The following HHAT variants were observed in gnomAD, a reference collection of about 807,000 sequenced individuals.
HHAT encodes protein-cysteine N-palmitoyltransferase HHAT.
A neutral mutation model predicts 70.8 loss-of-function variants in HHAT; 47 were observed. The ratio of observed to expected loss-of-function variants is 0.66; its 90% CI spans 0.53 to 0.85. The LOEUF is 0.85. HHAT is among the 40% of genes least tolerant of loss of function. HHAT has a pLI of 0.00. For synonymous variants in HHAT, 228 were observed against 247.6 expected, an observed-to-expected ratio of 0.92 and a Z score of 0.74; for missense variants, 609 against 604.8, an observed-to-expected ratio of 1.01 and a Z score of -0.07.
intron 11 of HHAT, among the ~76,000 whole-genome samples, chr1:210,640,066 C>T (rs1672687352): frequency 6.6e-6 from 1 of 152,138 alleles, no homozygotes. Context: ...TTCTAATTTC[C>T]CTGCCTGGCT....
intron 9 of HHAT, among the ~76,000 whole-genome samples, chr1:210,562,701 A>G (rs1025424579): frequency 6.6e-6 from 1 of 151,258 alleles, no homozygotes; most frequent in African/African-American, 2.4e-5. Flanking sequence ...CATGTGCACA[A>G]TGTGCAGGTT....
chr1:210,430,183 G>C (rs906181031), intron 7 of HHAT, among the ~76,000 whole-genome samples: 79 of 151,884 alleles, frequency 5.2e-4, no homozygotes, highest in African/African-American at 1.8e-3. Flanking sequence ...GCTAGCTTCT[G>C]TGTTCTCTTG....
chr1:210,411,455 C>G (rs560190921), intron 6 of HHAT, among the ~76,000 whole-genome samples: 91 of 152,298 alleles, frequency 6.0e-4, no homozygotes, highest in African/African-American at 2.1e-3. Context: ...ACTTGCTTCT[C>G]TCCAAGAGTT....
intron 10 of HHAT, among the ~76,000 whole-genome samples, chr1:210,593,555 T>A (rs1235997070): frequency 2.6e-5 from 4 of 152,212 alleles, no homozygotes; most frequent in African/African-American, 7.2e-5. Context: ...ATTTCATTTT[T>A]AAAAATGTTT....
chr1:210,422,305 G>T (rs1313727290), intron 7 of HHAT, among the ~76,000 whole-genome samples: 1 of 152,112 alleles, frequency 6.6e-6, no homozygotes, highest in African/African-American at 2.4e-5. Flanking sequence ...CTAGCTATTT[G>T]AAACTATGTA....
chr1:210,548,754 T>C (rs17016407), intron 9 of HHAT, among the ~76,000 whole-genome samples: 4,474 of 152,298 alleles, frequency 0.029, 242 homozygotes, highest in African/African-American at 0.1. Flanking sequence ...CAGAAGCATA[T>C]GGAATTCCTG....
intron 9 of HHAT, among the ~76,000 whole-genome samples, chr1:210,541,635 G>T (rs2095431858): frequency 6.6e-6 from 1 of 152,222 alleles, no homozygotes; most frequent in Admixed American, 6.5e-5. Context: ...GGTAAGGCAG[G>T]AGAATCACTT....
intron 3 of HHAT, among the ~76,000 whole-genome samples, chr1:210,376,942 C>T (rs2090272152): frequency 6.6e-6 from 1 of 152,202 alleles, no homozygotes; most frequent in Non-Finnish European, 1.5e-5. Flanking sequence ...GCCTTCTGCC[C>T]TGGGGGCCTC....
In HHAT at chr1:210,494,647, G is replaced by A. The variant is rs532429004; in HGVS notation, c.1008-18506G>A. On this transcript the variant is annotated intron_variant, in intron 8 of 11. Coordinates refer to ENST00000261458, the MANE Select transcript of HHAT (RefSeq NM_018194.6). ...GCTCACTGCAACCTCTGCCTCCCAGGTTCAAGTGATTCTCCTGCCTCAGCC... is the reference window on the plus strand; with the variant it reads ...GCTCACTGCAACCTCTGCCTCCCAGATTCAAGTGATTCTCCTGCCTCAGCC... Among the ~76,000 whole-genome samples the A allele has an allele frequency of 2.7e-3, 381 of 143,336 alleles. 3 individuals are homozygous for A. The highest frequency in any genetic ancestry group is 2.8e-3 in the Non-Finnish European group (187 of 67,130). 94.0% of individuals were successfully genotyped at this position (143,336 alleles called of 152,430 possible). A position where few individuals can be genotyped will look rare whatever the true frequency, so the allele number is the denominator to read the frequency against.
At chr1:210,641,276 A>C (rs1672921014) in intron 11 of HHAT, among the ~76,000 whole-genome samples, 1 of 152,208 alleles carries the variant, frequency 6.6e-6, no homozygotes, top group Admixed American at 6.5e-5. Context: ...AGTAAAATGC[A>C]CAAGTGTTAA....
intron 8 of HHAT, among the ~76,000 whole-genome samples, chr1:210,479,523 G>A (rs985418266): frequency 1.3e-5 from 2 of 152,152 alleles, no homozygotes; most frequent in Admixed American, 1.3e-4. Context: ...TTATTGATGA[G>A]AAAAATAAAA....
intron 7 of HHAT, among the ~76,000 whole-genome samples, chr1:210,450,525 C>G (rs891827415): frequency 6.6e-6 from 1 of 150,840 alleles, no homozygotes; most frequent in Non-Finnish European, 1.5e-5. Context: ...GAGATGGAGT[C>G]TTGCTCTGTT....
intron 11 of HHAT, among the ~76,000 whole-genome samples, chr1:210,652,845 TC>T (rs1264648517): frequency 6.6e-6 from 1 of 152,172 alleles, no homozygotes; most frequent in African/African-American, 2.4e-5. Flanking sequence ...TTGGCATAGA[TC>T]AAAAATTTTA....
Position 210,374,280 on chromosome 1 carries a change from T to A in HHAT, c.159+11361T>A, listed in dbSNP as rs547548954. The A allele has an allele frequency of 2.0e-5, 3 of 152,128 alleles. No homozygotes were observed. In the East Asian group the frequency reaches 5.8e-4, roughly 29 times the overall value. The allele number at this position is 152,128 out of a possible 1,614,324, so 9.4% of individuals were successfully genotyped here. On this transcript the variant is annotated intron_variant, in intron 3 of 11. Coordinates refer to ENST00000261458, the MANE Select transcript of HHAT (RefSeq NM_018194.6). ...GAGAAACCAGTGTAATGCTACAAAT[T>A]AGTTCAACTCATTGTTGCAGTAACC...
intron 10 of HHAT, among the ~76,000 whole-genome samples, chr1:210,623,058 A>G (rs1407671892): frequency 2.6e-5 from 4 of 152,192 alleles, no homozygotes; most frequent in Non-Finnish European, 5.9e-5. Context: ...TAGAATGAAC[A>G]TGGTGCAAGA....
In HHAT at chr1:210,623,591, G is replaced by T; in HGVS notation, c.1311G>T (p.Ser437=). The T allele has an allele frequency of 6.2e-7, 1 of 1,613,996 alleles. No individual in the cohort carries two copies. Among genetic ancestry groups the T allele is most frequent in the Non-Finnish European group, 8.5e-7 (1 of 1,179,978 alleles). Reference sequence around the variant, plus strand: ...CTGCCCTTGCTTCTTGTTCCACCTCGATGCTGATCCTGTCCAACCTGGTAT... The same window carrying T: ...CTGCCCTTGCTTCTTGTTCCACCTCTATGCTGATCCTGTCCAACCTGGTAT... ...FHAALASCST[S]MLILSNLVFL... The change falls in exon 11 of 12, where the codon TCG becomes TCT. Residue 437 remains serine (S), a synonymous_variant. Transcript: ENST00000261458.
intron 7 of HHAT, among the ~76,000 whole-genome samples, chr1:210,431,621 G>C (rs2093246272): frequency 6.6e-6 from 1 of 151,846 alleles, no homozygotes; most frequent in Non-Finnish European, 1.5e-5. Context: ...AGCATCTCCA[G>C]CAGCTTCCCC....
At chr1:210,386,788 T>C in intron 3 of HHAT, among the ~76,000 whole-genome samples, 1 of 152,174 alleles carries the variant, frequency 6.6e-6, no homozygotes, top group Middle Eastern at 3.2e-3. Context: ...GGTTTCTACC[T>C]TCTCCTCCTG....
intron 9 of HHAT, among the ~76,000 whole-genome samples, chr1:210,535,773 C>G (rs1251380359): frequency 2.0e-5 from 3 of 150,808 alleles, no homozygotes; most frequent in Admixed American, 6.6e-5. Context: ...GGGGAAGACT[C>G]TGTGAATAGC....
Sources: gnomAD v4.1 joint callset for allele counts (sites outside exome capture counted in the v4.1 genomes callset) on GRCh38, gnomAD v4.1.1 for gene constraint, MANE v1.5 for transcripts, NCBI Gene and HGNC (gene_info 2026-07-23, HGNC 2026-07-21) for gene names.